The following OPA1 variants were observed in gnomAD, a reference collection of about 807,000 sequenced individuals.
OPA1 encodes dynamin-like GTPase OPA1, mitochondrial.
A neutral mutation model predicts 152.9 loss-of-function variants in OPA1; 59 were observed. The observed-to-expected ratio is 0.39, with a 90% CI of 0.31 to 0.48. The LOEUF (loss-of-function observed/expected upper bound fraction) is 0.48. Among genes scored for constraint, OPA1 ranks in the 20% least tolerant of loss-of-function variants. The pLI is 0.96. For synonymous variants in OPA1, 400 were observed against 389.9 expected (o/e 1.03, Z -0.31); for missense variants, 1,008 against 1,216.8 (o/e 0.83, Z 2.55).
chr3:193,611,178 C>T (rs988686682), intron 1 of OPA1, among the ~76,000 whole-genome samples: 2 of 152,134 alleles, frequency 1.3e-5, no homozygotes, highest in East Asian at 1.9e-4. Context: ...ATCTTGGAAC[C>T]GCCCGATTGT....
intron 29 of OPA1, among the ~76,000 whole-genome samples, chr3:193,678,414 A>G (rs1419392863): frequency 6.6e-6 from 1 of 152,074 alleles, no homozygotes; most frequent in Non-Finnish European, 1.5e-5. Flanking sequence ...AATAATTGCC[A>G]CCACCCAGAG....
At chr3:193,658,224 A>C (rs1264343073) in intron 23 of OPA1, among the ~76,000 whole-genome samples, 2 of 149,998 alleles carry the variant, frequency 1.3e-5, no homozygotes, top group African/African-American at 4.9e-5. Context: ...CAGCCAAGGC[A>C]ACAAGAGCAA....
At chr3:193,685,524 C>T (rs1338741996) in intron 29 of OPA1, among the ~76,000 whole-genome samples, 1 of 152,082 alleles carries the variant, frequency 6.6e-6, no homozygotes, top group Non-Finnish European at 1.5e-5. Context: ...TATTCATGGA[C>T]ATCTATTACA....
chr3:193,600,556 C>T (rs940690454), intron 1 of OPA1, among the ~76,000 whole-genome samples: 5 of 152,128 alleles, frequency 3.3e-5, no homozygotes, highest in African/African-American at 1.2e-4. Context: ...TGAACTGAAC[C>T]AAATCAGCCA....
rs559639012 is a variant in OPA1 at position 193,612,570 on chromosome 3, A to T, written c.33-2153A>T. On this transcript the variant is annotated intron_variant, in intron 1 of 30. Coordinates refer to ENST00000361510, the MANE Select transcript of OPA1 (RefSeq NM_130837.3). ...GTGGGGGCTTTGATCCCCTTTTTCT[A>T]ATATGCCTTGCAAACAATTTTATCC... is the stretch of plus-strand genomic sequence containing the variant. Among the ~76,000 whole-genome samples, 178 of 152,186 alleles carry T rather than the reference A, an allele frequency of 1.2e-3. 5 individuals carry two copies. The Middle Eastern group carries it at 0.014, about 12-fold the overall frequency.
At chr3:193,669,797 G>A (rs1203159143) in intron 29 of OPA1, among the ~76,000 whole-genome samples, 1 of 152,154 alleles carries the variant, frequency 6.6e-6, no homozygotes, top group East Asian at 1.9e-4. Flanking sequence ...ATTACTCTCC[G>A]CTCCCAATTT....
At chr3:193,658,835 A>G (rs1365052172) in intron 23 of OPA1, 52 bp from the exon 24 acceptor site, 1 of 1,242,022 alleles carries the variant, frequency 8.1e-7, no homozygotes, top group South Asian at 1.2e-5. Context: ...TAAAACTACT[A>G]AAATGATGAG....
chr3:193,668,461 C>CTCTG lies in OPA1; in HGVS notation c.2983+1182_2983+1185dup, dbSNP rs1211273189. 4 of 1,550,656 alleles carry CTCTG rather than the reference C, an allele frequency of 2.6e-6. No individual in the cohort carries two copies. The Admixed American group carries it at 7.8e-5, about 30-fold the overall frequency. On this transcript the variant is annotated intron_variant, in intron 29 of 30. Transcript: ENST00000361510. ...TCGTCATGGAGTCCCTTTTACTGAG[C>CTCTG]TCTGCTCTGACGCTTTGTGCCAGGT... is the stretch of plus-strand genomic sequence containing the variant.
At chr3:193,594,116 T>C (rs1418821521) in intron 1 of OPA1, among the ~76,000 whole-genome samples, 1 of 152,234 alleles carries the variant, frequency 6.6e-6, no homozygotes, top group Admixed American at 6.5e-5. Context: ...TAGAAAATCA[T>C]AGAAATCTTT....
At chr3:193,622,438 A>G (rs963191937) in intron 6 of OPA1, among the ~76,000 whole-genome samples, 1 of 152,074 alleles carries the variant, frequency 6.6e-6, no homozygotes, top group Non-Finnish European at 1.5e-5. Flanking sequence ...CAGGTTGGCC[A>G]GGATGGTCTT....
intron 1 of OPA1, chr3:193,613,929 T>C: frequency 3.9e-6 from 2 of 518,916 alleles, no homozygotes; most frequent in South Asian, 2.8e-5. Flanking sequence ...TAATATTTTT[T>C]AACTACTTAG....
intron 10 of OPA1, 80 bp downstream of exon 10, chr3:193,637,361 TGTACAC>T: frequency 6.0e-6 from 5 of 837,038 alleles, no homozygotes; most frequent in African/African-American, 1.7e-5. Flanking sequence ...TGTGTATATA[TGTACAC>T]ATACACATAT....
chr3:193,680,852 C>T (rs941108568), intron 29 of OPA1, among the ~76,000 whole-genome samples: 3 of 151,842 alleles, frequency 2.0e-5, no homozygotes, highest in African/African-American at 7.3e-5. Flanking sequence ...AATAATGTAA[C>T]TCTTTTTTGA....
chr3:193,610,107 G>T (rs1419475691), intron 1 of OPA1, among the ~76,000 whole-genome samples: 1 of 152,186 alleles, frequency 6.6e-6, no homozygotes, highest in Non-Finnish European at 1.5e-5. Context: ...AGGAGGAGAG[G>T]TGCTCTGATT....
chr3:193,657,139 A>T lies in OPA1; in HGVS notation c.2238A>T (p.Lys746Asn). The T allele has an allele frequency of 6.2e-7, 1 of 1,614,014 alleles. No individual in the cohort carries two copies. Among genetic ancestry groups the T allele is most frequent in the Non-Finnish European group, 8.5e-7 (1 of 1,179,922 alleles). The change falls in exon 23 of 31, where the codon AAA becomes AAT. Residue 746 changes from lysine (K) to asparagine (N), a missense_variant. Lys to Asn is a moderately conservative substitution (Grantham distance 94). Coordinates refer to ENST00000361510, the MANE Select transcript of OPA1 (RefSeq NM_130837.3). ...GCTTTATGACAGAACCGAAAGGGAA[A>T]GAGCATGATGACATATTTGATAAAC... Reference protein sequence around the residue: ...FSRFMTEPKGKEHDDIFDKLK... With the variant: ...FSRFMTEPKGNEHDDIFDKLK...
At chr3:193,600,798 C>T (rs1414962656) in intron 1 of OPA1, among the ~76,000 whole-genome samples, 2 of 152,190 alleles carry the variant, frequency 1.3e-5, no homozygotes, top group East Asian at 1.9e-4. Context: ...TTGCCATTCA[C>T]CACTTAGGAT....
At chr3:193,655,680 A>T (rs1232654953) in intron 22 of OPA1, among the ~76,000 whole-genome samples, 2 of 152,170 alleles carry the variant, frequency 1.3e-5, no homozygotes, top group Non-Finnish European at 2.9e-5. Flanking sequence ...GTAAGTAATT[A>T]TATGTAAAAT....
intron 21 of OPA1, among the ~76,000 whole-genome samples, chr3:193,650,814 C>T (rs1454183718): frequency 6.6e-6 from 1 of 152,096 alleles, no homozygotes; most frequent in African/African-American, 2.4e-5. Flanking sequence ...ATTGATATAT[C>T]ATTAACATCA....
At chr3:193,658,580 T>G (rs1714485967) in intron 23 of OPA1, among the ~76,000 whole-genome samples, 2 of 152,222 alleles carry the variant, frequency 1.3e-5, no homozygotes, top group African/African-American at 4.8e-5. Flanking sequence ...AGATGTTGCA[T>G]TTCATGTAGT....
Sources: gnomAD v4.1 joint callset for allele counts (sites outside exome capture counted in the v4.1 genomes callset) on GRCh38, gnomAD v4.1.1 for gene constraint, MANE v1.5 for transcripts, NCBI Gene and HGNC (gene_info 2026-07-23, HGNC 2026-07-21) for gene names.